FADS2: variants seen among roughly 807,000 people sequenced by gnomAD.
FADS2 encodes fatty acid desaturase 2, also known as acyl-CoA 6-desaturase.
Under a neutral mutation model 61.2 loss-of-function variants are expected in FADS2, and 18 were observed. That is an observed-to-expected ratio of 0.29 (90% CI 0.20 to 0.44). FADS2 has a LOEUF of 0.44. FADS2 is among the 20% of genes least tolerant of loss of function. The pLI, the probability that FADS2 is intolerant of heterozygous loss-of-function variation, is 1.00. For missense variants in FADS2, 322 were observed against 572.7 expected (o/e 0.56, Z 4.47); for synonymous variants, 203 against 223.9 (o/e 0.91, Z 0.83).
chr11:61,846,001 C>G (rs745417761), intron 4 of FADS2, among the ~76,000 whole-genome samples: 73 of 152,272 alleles, frequency 4.8e-4, no homozygotes, highest in Non-Finnish European at 7.8e-4. Context: ...TTGTTTCATG[C>G]CTTGCTCCTC....
chr11:61,833,370 C>T (rs893680132), intron 1 of FADS2, among the ~76,000 whole-genome samples: 1 of 152,208 alleles, frequency 6.6e-6, no homozygotes, highest in Non-Finnish European at 1.5e-5. Flanking sequence ...ATTTCTGTAA[C>T]CCGGCAGGTG....
At chr11:61,846,422 T>TC (rs1255770141) in intron 4 of FADS2, among the ~76,000 whole-genome samples, 13 of 142,470 alleles carry the variant, frequency 9.1e-5, no homozygotes, top group South Asian at 2.2e-4. Flanking sequence ...TTTTTTTTTT[T>TC]TCTCTCTCTC....
chr11:61,831,261 G>C (rs904017161), intron 1 of FADS2, among the ~76,000 whole-genome samples: 2 of 152,162 alleles, frequency 1.3e-5, no homozygotes, highest in African/African-American at 4.8e-5. Flanking sequence ...GCCCCTTGGG[G>C]TGATGGTTTG....
At chr11:61,864,390 C>A (rs1287874368) in intron 10 of FADS2, among the ~76,000 whole-genome samples, 2 of 149,086 alleles carry the variant, frequency 1.3e-5, no homozygotes, top group African/African-American at 4.9e-5. Flanking sequence ...TTTTTTTTTA[C>A]TTTTATTTAT....
At chr11:61,848,081 C>G in intron 4 of FADS2, 78 bp from the exon 5 acceptor site, 2 of 1,593,238 alleles carry the variant, frequency 1.3e-6, no homozygotes, top group Non-Finnish European at 1.7e-6. Flanking sequence ...GGGAACTGCT[C>G]CTAAGAAGGG....
At chr11:61,861,372 C>CAAAAAAAAAAAAAAA (rs2039017930) in intron 7 of FADS2, among the ~76,000 whole-genome samples, 1 of 31,474 alleles carries the variant, frequency 3.2e-5, no homozygotes, top group African/African-American at 1.1e-4. Context: ...AAAAAAAAAA[C>CAAAAAAAAAAAAAAA]AGAAATTAGC....
chr11:61,841,345 C>T (rs904163407), intron 4 of FADS2, among the ~76,000 whole-genome samples: 6 of 152,032 alleles, frequency 3.9e-5, no homozygotes, highest in African/African-American at 1.2e-4. Flanking sequence ...CCACCGCATC[C>T]GGCCTGTAGC....
chr11:61,823,885 G>A (rs1365409034), upstream of FADS2, among the ~76,000 whole-genome samples: 1 of 152,132 alleles, frequency 6.6e-6, no homozygotes, highest in Non-Finnish European at 1.5e-5. Context: ...CACTTACTAA[G>A]TTGATGCCAT....
chr11:61,856,356 A>C (rs959758232), intron 5 of FADS2: 2 of 152,220 alleles, frequency 1.3e-5, no homozygotes, highest in African/African-American at 4.8e-5. Flanking sequence ...TGGGGACCTC[A>C]GGTAGCCAGA....
At chr11:61,836,471 A>G (rs1039630112) in intron 1 of FADS2, among the ~76,000 whole-genome samples, 1 of 152,022 alleles carries the variant, frequency 6.6e-6, no homozygotes, top group Non-Finnish European at 1.5e-5. Context: ...TGCTTATTGT[A>G]TCTTCCTGCC....
chr11:61,850,990 T>A (rs2067302293), intron 5 of FADS2, among the ~76,000 whole-genome samples: 1 of 152,220 alleles, frequency 6.6e-6, no homozygotes, highest in African/African-American at 2.4e-5. Context: ...TTCTGTAACA[T>A]GGCCAATTCG....
Position 61,865,454 on chromosome 11 carries a change from C to T in FADS2, c.1283+177C>T. The T allele has an allele frequency of 1.0e-6, 1 of 967,468 alleles. No individual in the cohort carries two copies. Among genetic ancestry groups the T allele is most frequent in the Non-Finnish European group, 1.5e-6 (1 of 652,006 alleles). 59.9% of individuals were successfully genotyped at this position (967,468 alleles called of 1,614,324 possible). ...TCCCTGGGCTGCGAGAAGACCATCC[C>T]TTTCTGTGTGGGGTTCCTGGTGGGC... On this transcript the variant is annotated intron_variant, in intron 11 of 11. Transcript: ENST00000278840. This position sits in a 1 kb window ranked among gnomAD's most constrained non-coding sequence, Gnocchi z 4.1.
chr11:61,861,950 C>T (rs1182697523), intron 7 of FADS2: 1 of 152,270 alleles, frequency 6.6e-6, no homozygotes, highest in Non-Finnish European at 1.5e-5. Context: ...TATTTTAAGA[C>T]ACAAATGTGA....
intron 1 of FADS2, among the ~76,000 whole-genome samples, chr11:61,819,742 T>C (rs1361367382): frequency 6.6e-6 from 1 of 152,042 alleles, no homozygotes; most frequent in Non-Finnish European, 1.5e-5. Flanking sequence ...ATACTTTAAG[T>C]TTTAAGGTAC....
chr11:61,863,180 G>T, intron 8 of FADS2, 102 bp from the exon 9 acceptor site: 1 of 1,433,948 alleles, frequency 7.0e-7, no homozygotes, highest in Non-Finnish European at 9.8e-7. Context: ...TCCCATCCTG[G>T]CCCCTTGGCA....
At chr11:61,842,423 T>C (rs2067224416) in intron 4 of FADS2, among the ~76,000 whole-genome samples, 1 of 152,220 alleles carries the variant, frequency 6.6e-6, no homozygotes, top group African/African-American at 2.4e-5. Flanking sequence ...TCCTGACCCA[T>C]GTTAGCCCCC....
Position 61,816,392 on chromosome 11 carries a change from C to G in FADS2, c.107C>G (p.Pro36Arg), listed in dbSNP as rs767814095. Reference sequence around the variant, plus strand: ...CAGGCCTCTCTCCCGCCTTTTCATCCCGCATCCGCAGGACACCCAATCACC... The same window carrying G: ...CAGGCCTCTCTCCCGCCTTTTCATCGCGCATCCGCAGGACACCCAATCACC... The change falls in exon 1 of 12, where the codon CCC becomes CGC. Residue 36 changes from proline to arginine, a missense_variant. Transcript: ENST00000257261. The surrounding 1 kb of genome is among the most constrained non-coding windows in gnomAD (Gnocchi z 7.0). The G allele has an allele frequency of 1.2e-5, 19 of 1,598,416 alleles. No individual in the cohort carries two copies. Among genetic ancestry groups the G allele is most frequent in the Non-Finnish European group, 1.5e-5 (18 of 1,179,816 alleles).
Position 61,857,002 on chromosome 11 carries a change from T to G in FADS2, c.745-9T>G. On this transcript the variant is annotated splice_polypyrimidine_tract_variant and intron_variant, in intron 5 of 11. Transcript: ENST00000278840. ...TACTGGGTGCTCATGATCTCTCCTCTCTCCTCAGTACGGCAAGAAGAAGCT... is the reference window on the plus strand; with the variant it reads ...TACTGGGTGCTCATGATCTCTCCTCGCTCCTCAGTACGGCAAGAAGAAGCT... 1 of 1,613,116 alleles carries G rather than the reference T, an allele frequency of 6.2e-7. No individual in the cohort carries two copies. Among genetic ancestry groups the G allele is most frequent in the Non-Finnish European group, 8.5e-7 (1 of 1,179,166 alleles).
At chr11:61,862,506 G>T (rs568398727) in intron 7 of FADS2, 1 of 178,176 alleles carries the variant, frequency 5.6e-6, no homozygotes, top group East Asian at 1.6e-4. Flanking sequence ...CTGAGATAGG[G>T]ACGATGGTAC....
Sources: gnomAD v4.1 joint callset for allele counts (sites outside exome capture counted in the v4.1 genomes callset) on GRCh38, gnomAD v4.1.1 for gene constraint, Gnocchi (gnomAD v3.1) non-coding constraint, MANE v1.5 for transcripts, NCBI Gene and HGNC (gene_info 2026-07-23, HGNC 2026-07-21) for gene names.